KCNIP4: variants seen among roughly 807,000 people sequenced by gnomAD.
KCNIP4 encodes Kv channel-interacting protein 4.
KCNIP4 carries 12 observed loss-of-function variants against 34.0 expected under a neutral mutation model. That is an observed-to-expected ratio of 0.35 (90% CI 0.23 to 0.57). The LOEUF is 0.57. Among genes scored for constraint, KCNIP4 ranks in the 20% least tolerant of loss-of-function variants. The pLI is 0.83. For missense variants in KCNIP4, 238 were observed against 311.7 expected (o/e 0.76, Z 1.78); for synonymous variants, 124 against 102.2 (o/e 1.21, Z -1.29).
chr4:21,830,632 CCA>C (rs1722928444), intron 1 of KCNIP4, among the ~76,000 whole-genome samples: 1 of 152,078 alleles, frequency 6.6e-6, no homozygotes. Flanking sequence ...CAAGATCATG[CCA>C]CTACACTCAA....
intron 1 of KCNIP4, among the ~76,000 whole-genome samples, chr4:21,936,211 C>T (rs1014670546): frequency 2.0e-5 from 3 of 152,094 alleles, no homozygotes; most frequent in African/African-American, 4.8e-5. Context: ...AATTCCCACA[C>T]GGAACTCACT....
chr4:21,686,642 C>T (rs1332331749), intron 1 of KCNIP4, among the ~76,000 whole-genome samples: 5 of 152,160 alleles, frequency 3.3e-5, no homozygotes, highest in African/African-American at 1.2e-4. Context: ...AAAATGTGTA[C>T]AGTTAGAGAG....
rs1314819768 is a variant in KCNIP4 at position 20,729,999 on chromosome 4, C to G, written c.*83G>C. On this transcript the variant is annotated 3_prime_UTR_variant, in exon 9 of 9. Coordinates refer to ENST00000382152, the MANE Select transcript of KCNIP4 (RefSeq NM_025221.6). ...ATGCTTCAGTGTCAAGCTGAGCAAT[C>G]TATGCTAAAAGTGGTAGCTCCAACT... 54 of 1,473,516 alleles carry G rather than the reference C, an allele frequency of 3.7e-5. No homozygotes were observed. Among genetic ancestry groups the G allele is most frequent in the Non-Finnish European group, 4.8e-5 (53 of 1,098,318 alleles). The allele number at this position is 1,473,516 out of a possible 1,614,324, so 91.3% of individuals were successfully genotyped here.
intron 1 of KCNIP4, among the ~76,000 whole-genome samples, chr4:21,003,535 A>G (rs1020087911): frequency 6.6e-6 from 1 of 152,220 alleles, no homozygotes; most frequent in African/African-American, 2.4e-5. Flanking sequence ...TCCCTGGTGA[A>G]AAGACACAAA....
At chr4:21,133,902 C>T (rs963445143) in intron 1 of KCNIP4, among the ~76,000 whole-genome samples, 10 of 152,148 alleles carry the variant, frequency 6.6e-5, no homozygotes, top group African/African-American at 2.2e-4. Flanking sequence ...CCATTAGTTT[C>T]CTTTTCTAAC....
chr4:20,997,546 GA>G (rs1312527493), intron 1 of KCNIP4, among the ~76,000 whole-genome samples: 1 of 152,158 alleles, frequency 6.6e-6, no homozygotes, highest in Admixed American at 6.5e-5. Context: ...CACGAAGAAA[GA>G]ACTGCACAAC....
intron 1 of KCNIP4, among the ~76,000 whole-genome samples, chr4:21,931,036 A>T (rs35030223): frequency 6.6e-6 from 1 of 152,006 alleles, no homozygotes; most frequent in South Asian, 2.1e-4. Flanking sequence ...AATTATGATT[A>T]GTAAACCTCA....
chr4:20,740,772 A>G (rs1202518169), intron 5 of KCNIP4, among the ~76,000 whole-genome samples: 1 of 152,218 alleles, frequency 6.6e-6, no homozygotes, highest in African/African-American at 2.4e-5. Flanking sequence ...TAAAAGACAC[A>G]AACTGGCAAA....
intron 1 of KCNIP4, among the ~76,000 whole-genome samples, chr4:21,630,934 T>C (rs892382624): frequency 1.3e-5 from 2 of 152,212 alleles, no homozygotes; most frequent in African/African-American, 2.4e-5. Context: ...TTGAACACCA[T>C]ATGGTACTTC....
intron 1 of KCNIP4, among the ~76,000 whole-genome samples, chr4:21,526,336 G>A (rs1560486779): frequency 6.6e-6 from 1 of 152,064 alleles, no homozygotes. Context: ...CATGTAAGAT[G>A]TCCCTTTGCT....
intron 1 of KCNIP4, among the ~76,000 whole-genome samples, chr4:21,033,228 T>C (rs1464626178): frequency 6.6e-6 from 1 of 152,212 alleles, no homozygotes; most frequent in Non-Finnish European, 1.5e-5. Flanking sequence ...CCTGTCTATC[T>C]TCCTCTTAGT....
At chr4:21,282,600 T>A (rs1432529791) in intron 1 of KCNIP4, among the ~76,000 whole-genome samples, 1 of 152,178 alleles carries the variant, frequency 6.6e-6, no homozygotes, top group East Asian at 1.9e-4. Context: ...ATTGTTATTT[T>A]CTCAGACAGG....
intron 1 of KCNIP4, among the ~76,000 whole-genome samples, chr4:21,547,580 T>C (rs1738243325): frequency 6.6e-6 from 1 of 152,046 alleles, no homozygotes; most frequent in Non-Finnish European, 1.5e-5. Context: ...CTCTTGGTTA[T>C]TCAGAATTTT....
At chr4:21,800,982 C>T (rs942757746) in intron 1 of KCNIP4, among the ~76,000 whole-genome samples, 1 of 152,172 alleles carries the variant, frequency 6.6e-6, no homozygotes, top group Non-Finnish European at 1.5e-5. Flanking sequence ...ACTTTCATTA[C>T]ATTCATTCTC....
intron 3 of KCNIP4, among the ~76,000 whole-genome samples, chr4:20,805,186 CTTTTTTTTTTTTTTT>C (rs10552321): frequency 1.1e-5 from 1 of 92,118 alleles, no homozygotes; most frequent in South Asian, 3.8e-4. Flanking sequence ...TAGATGCTTC[CTTTTTTTTTTTTTTT>C]TTTTTTTTTT....
intron 1 of KCNIP4, among the ~76,000 whole-genome samples, chr4:21,904,132 A>G (rs921120216): frequency 1.3e-5 from 2 of 152,180 alleles, no homozygotes; most frequent in African/African-American, 4.8e-5. Flanking sequence ...ATTCTTTGTT[A>G]TAATCCTGCC....
At chr4:21,589,404 G>T (rs978197837) in intron 1 of KCNIP4, among the ~76,000 whole-genome samples, 8 of 146,846 alleles carry the variant, frequency 5.4e-5, no homozygotes, top group South Asian at 2.1e-4. Flanking sequence ...GGATAGTAAG[G>T]CAAGGGTTCT....
intron 1 of KCNIP4, among the ~76,000 whole-genome samples, chr4:21,310,260 T>C (rs962640879): frequency 2.0e-5 from 3 of 152,112 alleles, no homozygotes; most frequent in Non-Finnish European, 4.4e-5. Context: ...GGTCTTGAAC[T>C]CCTGACCTCA....
At chr4:21,857,811 C>T (rs988307787) in intron 1 of KCNIP4, among the ~76,000 whole-genome samples, 9 of 152,310 alleles carry the variant, frequency 5.9e-5, no homozygotes, top group African/African-American at 1.4e-4. Flanking sequence ...CCCCCTTGCT[C>T]GCCACATTGC....
Sources: allele counts gnomAD v4.1 joint callset (sites outside exome capture counted in the v4.1 genomes callset), GRCh38; gene constraint gnomAD v4.1.1; transcripts MANE v1.5; gene names NCBI Gene and HGNC (gene_info 2026-07-23, HGNC 2026-07-21).